CTIF: variants seen among roughly 807,000 people sequenced by gnomAD.
CTIF encodes CBP80/20-dependent translation initiation factor.
Under a neutral mutation model 66.0 loss-of-function variants are expected in CTIF, and 21 were observed. The ratio of observed to expected loss-of-function variants is 0.32; its 90% confidence interval spans 0.23 to 0.46. CTIF has a LOEUF of 0.46. Among genes scored for constraint, CTIF ranks in the 20% least tolerant of loss-of-function variants. CTIF has a pLI of 1.00. For synonymous variants in CTIF, 345 were observed against 326.4 expected (o/e 1.06, Z -0.62); for missense variants, 739 against 812.7 (o/e 0.91, Z 1.10).
chr18:48,765,299 C>A (rs1568200089), intron 9 of CTIF, among the ~76,000 whole-genome samples: 2 of 152,200 alleles, frequency 1.3e-5, no homozygotes, highest in African/African-American at 4.8e-5. Context: ...ACTCAAGGCC[C>A]ATCTGGCTCT....
intron 9 of CTIF, among the ~76,000 whole-genome samples, chr18:48,779,571 T>C (rs1163731169): frequency 6.6e-6 from 1 of 152,144 alleles, no homozygotes; most frequent in Non-Finnish European, 1.5e-5. Context: ...TTTCAGAGCC[T>C]CCTCCCCACA....
chr18:48,583,289 A>C (rs532594664), intron 1 of CTIF, among the ~76,000 whole-genome samples: 1 of 152,342 alleles, frequency 6.6e-6, no homozygotes, highest in South Asian at 2.1e-4. Flanking sequence ...GAGGCAGAGC[A>C]GGGGAAAGGA....
chr18:48,846,541 A>ATGGATG (rs1568265733), intron 10 of CTIF, among the ~76,000 whole-genome samples: 1 of 100,070 alleles, frequency 1.0e-5, no homozygotes, highest in Non-Finnish European at 2.3e-5. Context: ...ATGGATGGAT[A>ATGGATG]GGTGAATAGA....
chr18:48,549,826 C>A (rs1166895612), intron 1 of CTIF, among the ~76,000 whole-genome samples: 2 of 152,172 alleles, frequency 1.3e-5, no homozygotes, highest in African/African-American at 4.8e-5. Flanking sequence ...AAGAGGCAAG[C>A]TGTGTTTGCA....
intron 3 of CTIF, among the ~76,000 whole-genome samples, chr18:48,660,349 C>T (rs2091322582): frequency 6.6e-6 from 1 of 152,248 alleles, no homozygotes; most frequent in Non-Finnish European, 1.5e-5. Flanking sequence ...CATGGTCCCT[C>T]TCCCCAGGCT....
intron 9 of CTIF, among the ~76,000 whole-genome samples, chr18:48,800,513 C>A (rs1008019764): frequency 1.3e-5 from 2 of 152,226 alleles, no homozygotes; most frequent in Non-Finnish European, 2.9e-5. Flanking sequence ...GAGATACCTT[C>A]CCTCTTGCTG....
intron 6 of CTIF, among the ~76,000 whole-genome samples, chr18:48,700,459 A>C (rs1306476073): frequency 6.6e-6 from 1 of 152,220 alleles, no homozygotes; most frequent in Non-Finnish European, 1.5e-5. Flanking sequence ...CTGTTCATTC[A>C]TGTGAGGCCT....
chr18:48,685,886 G>A (rs1047748380), intron 6 of CTIF, among the ~76,000 whole-genome samples: 3 of 151,542 alleles, frequency 2.0e-5, no homozygotes, highest in African/African-American at 4.9e-5. Flanking sequence ...TGTGTTGGCC[G>A]GGCTGATCTC....
chr18:48,786,615 G>A (rs1371379506), intron 9 of CTIF, among the ~76,000 whole-genome samples: 1 of 152,218 alleles, frequency 6.6e-6, no homozygotes, highest in African/African-American at 2.4e-5. Context: ...TGAACGTGCA[G>A]TTCATTGCTG....
chr18:48,718,296 CAG>C (rs748895602), intron 7 of CTIF, among the ~76,000 whole-genome samples: 1 of 152,106 alleles, frequency 6.6e-6, no homozygotes, highest in Non-Finnish European at 1.5e-5. Flanking sequence ...TTGCATTATT[CAG>C]AGTTTTCCAG....
intron 7 of CTIF, among the ~76,000 whole-genome samples, chr18:48,741,225 G>A (rs1337147530): frequency 6.6e-6 from 1 of 151,772 alleles, no homozygotes; most frequent in Non-Finnish European, 1.5e-5. Context: ...CCACAGGTTG[G>A]AGTGGAGCCA....
intron 6 of CTIF, among the ~76,000 whole-genome samples, chr18:48,672,742 T>G (rs746891456): frequency 1.3e-5 from 2 of 152,046 alleles, no homozygotes; most frequent in African/African-American, 2.4e-5. Context: ...GGCATAAAGA[T>G]CCTACCAGCT....
chr18:48,610,248 C>G (rs2090281543), intron 1 of CTIF, among the ~76,000 whole-genome samples: 1 of 152,206 alleles, frequency 6.6e-6, no homozygotes, highest in Admixed American at 6.5e-5. Context: ...ACCAGGCAGC[C>G]TGGGTTTGGT....
intron 1 of CTIF, among the ~76,000 whole-genome samples, chr18:48,564,594 C>G (rs140770963): frequency 6.6e-6 from 1 of 152,236 alleles, no homozygotes; most frequent in East Asian, 1.9e-4. Flanking sequence ...AGGTTACCTT[C>G]TTGGTGTAGG....
At chr18:48,744,096 C>G (rs1452747510) in intron 7 of CTIF, among the ~76,000 whole-genome samples, 1 of 152,138 alleles carries the variant, frequency 6.6e-6, no homozygotes, top group Non-Finnish European at 1.5e-5. Context: ...CTCCCAAGTT[C>G]CCCAAGATGT....
chr18:48,835,070 G>A (rs1000031), intron 10 of CTIF, among the ~76,000 whole-genome samples: 73,221 of 152,216 alleles, frequency 0.48, 20,958 homozygotes, highest in African/African-American at 0.81. Context: ...TCCCATGTTC[G>A]TGGTACTGCC....
intron 1 of CTIF, among the ~76,000 whole-genome samples, chr18:48,556,076 G>A (rs1220112017): frequency 2.0e-5 from 3 of 152,156 alleles, no homozygotes; most frequent in African/African-American, 7.2e-5. Flanking sequence ...TAAACATTGA[G>A]CCTGCAGTTT....
chr18:48,568,634 A>AAAAAAAAAAAAAAG (rs2089334982), intron 1 of CTIF, among the ~76,000 whole-genome samples: 1 of 32,972 alleles, frequency 3.0e-5, no homozygotes, highest in Non-Finnish European at 4.6e-5. Flanking sequence ...GGCAATTTGT[A>AAAAAAAAAAAAAAG]AAAAAAAAAA....
rs1428579159 is a variant in CTIF at position 48,783,165 on chromosome 18, G to C, written c.1371+21476G>C. Among the ~76,000 whole-genome samples the C allele has an allele frequency of 3.9e-5, 6 of 152,162 alleles. No homozygotes were observed. The South Asian group carries it at 8.3e-4, about 21-fold the overall frequency. The stretch of plus-strand genomic sequence containing the variant: ...TGGGATCCAGGCCTGTTAGACACAG[G>C]GTCCCATGTAGGCCACCACAGGTCT... On this transcript the variant is annotated intron_variant, in intron 9 of 11. Transcript: ENST00000256413.
Sources: allele counts gnomAD v4.1 joint callset (sites outside exome capture counted in the v4.1 genomes callset), GRCh38; gene constraint gnomAD v4.1.1; transcripts MANE v1.5; gene names NCBI Gene and HGNC (gene_info 2026-07-23, HGNC 2026-07-21).